The following TGM6 variants were observed in gnomAD, a reference collection of about 807,000 sequenced individuals.
TGM6 encodes transglutaminase 6.
A neutral mutation model predicts 77.5 loss-of-function variants in TGM6; 74 were observed. That is an observed-to-expected ratio of 0.96 (90% CI 0.79 to 1.16). The LOEUF (loss-of-function observed/expected upper bound fraction) is 1.16. Ranked by LOEUF, TGM6 falls within the 50% of genes most tolerant of loss-of-function variation. TGM6 has a pLI of 0.00. For synonymous variants in TGM6, 383 were observed against 378.9 expected (o/e 1.01, Z -0.12); for missense variants, 968 against 940.2 (o/e 1.03, Z -0.39).
At chr20:2,425,730 G>A (rs2084883588) in intron 10 of TGM6, among the ~76,000 whole-genome samples, 1 of 151,964 alleles carries the variant, frequency 6.6e-6, no homozygotes, top group South Asian at 2.1e-4. Context: ...AATCTTAATT[G>A]ATATATATTA....
At chr20:2,431,827 C>T (rs2122445707) in intron 12 of TGM6, among the ~76,000 whole-genome samples, 1 of 152,232 alleles carries the variant, frequency 6.6e-6, no homozygotes, top group South Asian at 2.1e-4. Flanking sequence ...GGTGTCAACA[C>T]CTGATGGCTG....
chr20:2,384,332 C>T (rs904102195), intron 1 of TGM6, among the ~76,000 whole-genome samples: 2 of 152,074 alleles, frequency 1.3e-5, no homozygotes, highest in Non-Finnish European at 1.5e-5. Flanking sequence ...CTCCTCGAAA[C>T]CCTAGACGAA....
At chr20:2,409,295 A>G (rs1010506700) in intron 9 of TGM6, among the ~76,000 whole-genome samples, 1 of 152,218 alleles carries the variant, frequency 6.6e-6, no homozygotes, top group Non-Finnish European at 1.5e-5. Flanking sequence ...AGAAAATGAA[A>G]ATGCAATATG....
In TGM6 at chr20:2,395,233, T is replaced by A. The variant is rs1321921616; in HGVS notation, c.221T>A (p.Phe74Tyr). The A allele has an allele frequency of 1.2e-6, 2 of 1,614,024 alleles. No individual in the cohort carries two copies. The highest frequency in any genetic ancestry group is 4.5e-5 in the East Asian group (2 of 44,876). The change falls in exon 3 of 13, where the codon TTC becomes TAC. Residue 74 changes from phenylalanine (F) to tyrosine (Y), a missense_variant. Coordinates refer to ENST00000202625, the MANE Select transcript of TGM6 (RefSeq NM_198994.3). ...GAGGCCCTCCACACCAAAGCTGTGT[T>A]CCAGACATCGGAGCTGGAGCGGGGT... ...ASEALHTKAV[F>Y]QTSELERGEG...
At chr20:2,403,903 A>C in intron 9 of TGM6, 80 bp downstream of exon 9, 1 of 1,608,486 alleles carries the variant, frequency 6.2e-7, no homozygotes, top group Non-Finnish European at 8.5e-7. Flanking sequence ...GGTGGCCTGG[A>C]GCCAGGCCTC....
At chr20:2,386,134 C>T (rs1012208178) in intron 1 of TGM6, among the ~76,000 whole-genome samples, 7 of 152,156 alleles carry the variant, frequency 4.6e-5, no homozygotes, top group East Asian at 1.9e-4. Context: ...TCCCCATGCC[C>T]GTCAGTCTCA....
intron 7 of TGM6, among the ~76,000 whole-genome samples, chr20:2,402,577 A>C (rs1044667945): frequency 6.6e-6 from 1 of 152,164 alleles, no homozygotes; most frequent in Non-Finnish European, 1.5e-5. Context: ...GCTAATCAAC[A>C]TACTTTCCCC....
intron 3 of TGM6, among the ~76,000 whole-genome samples, chr20:2,396,113 G>A (rs538291851): frequency 6.6e-6 from 1 of 151,810 alleles, no homozygotes; most frequent in Non-Finnish European, 1.5e-5. Context: ...CCAGGAGGTG[G>A]AGGTTGCAGT....
intron 9 of TGM6, among the ~76,000 whole-genome samples, chr20:2,411,757 T>A (rs992873964): frequency 6.6e-6 from 1 of 152,082 alleles, no homozygotes; most frequent in Admixed American, 6.5e-5. Flanking sequence ...TATAGAAAAA[T>A]TAACTGAAAA....
chr20:2,403,639 G>A lies in TGM6; in HGVS notation c.1152G>A (p.Leu384=). The stretch of plus-strand genomic sequence containing the variant: ...CCATCCGCGAGGGTGATGTGCACCT[G>A]GCTCACGATGGCCCCTTCGTGTTTG... ...VTAIREGDVH[L]AHDGPFVFAE... is the part of the protein sequence containing the mutation. The change falls in exon 9 of 13, where the codon CTG becomes CTA. Residue 384 remains leucine (L), a synonymous_variant. Transcript: ENST00000202625. 6.2e-7 allele frequency: 1 copy of A among 1,614,198 alleles called. No individual in the cohort carries two copies. The highest frequency in any genetic ancestry group is 8.5e-7 in the Non-Finnish European group (1 of 1,180,040).
At chr20:2,428,296 A>G (rs186075917) in intron 10 of TGM6, among the ~76,000 whole-genome samples, 1 of 152,306 alleles carries the variant, frequency 6.6e-6, no homozygotes, top group Admixed American at 6.5e-5. Flanking sequence ...AAGGGGTCTC[A>G]GCTTTTATTA....
intron 5 of TGM6, among the ~76,000 whole-genome samples, chr20:2,398,817 T>C (rs1208025793): frequency 1.3e-5 from 2 of 152,092 alleles, no homozygotes; most frequent in Non-Finnish European, 2.9e-5. Context: ...CCAAAAGGTG[T>C]CTGCAGGGCC....
At chr20:2,385,482 T>C (rs188852161) in intron 1 of TGM6, among the ~76,000 whole-genome samples, 287 of 152,270 alleles carry the variant, frequency 1.9e-3, no homozygotes, top group African/African-American at 6.3e-3. Flanking sequence ...AGATTCCTTC[T>C]GGGTCATTTT....
chr20:2,428,176 C>T (rs1599973587), intron 10 of TGM6, among the ~76,000 whole-genome samples: 1 of 152,102 alleles, frequency 6.6e-6, no homozygotes, highest in Non-Finnish European at 1.5e-5. Flanking sequence ...GTGAGTGCTC[C>T]GTGTAAGATT....
chr20:2,386,468 G>GCAAAACCCC (rs2084596763), intron 1 of TGM6, among the ~76,000 whole-genome samples: 2 of 152,128 alleles, frequency 1.3e-5, no homozygotes, highest in African/African-American at 4.8e-5. Context: ...GAAGAAGTGT[G>GCAAAACCCC]TTCTATGGGG....
rs2084747628 is a variant in TGM6 at position 2,405,912 on chromosome 20, T to G, written c.1336+2089T>G. On this transcript the variant is annotated intron_variant, in intron 9 of 12. Coordinates refer to ENST00000202625, the MANE Select transcript of TGM6 (RefSeq NM_198994.3). ...AATTCTCTTCTCCCTGCTCAGGTAG[T>G]ACATGGCTTAGTAAGTAAGACGGGA... 2.0e-5 allele frequency among the ~76,000 whole-genome samples: 3 copies of G among 152,146 alleles called. No homozygotes were observed. In the South Asian group the frequency reaches 6.2e-4, roughly 32 times the overall value.
In TGM6 at chr20:2,400,339, T is replaced by A. The variant is rs1297150835; in HGVS notation, c.884T>A (p.Val295Glu). ...TGCTTGGGGATAGCCACACGGGTCGTGTCCAACTTCAACTCAGCCCACGAC... is the reference window on the plus strand; with the variant it reads ...TGCTTGGGGATAGCCACACGGGTCGAGTCCAACTTCAACTCAGCCCACGAC... ...LRCLGIATRV[V>E]SNFNSAHDTD... Residue 295 changes from valine (V) to glutamate (E), a missense_variant, in exon 7 of 13, where the codon GTG becomes GAG. By Grantham distance (121) the Val-to-Glu change is moderately radical (BLOSUM62 -2). Coordinates refer to ENST00000202625, the MANE Select transcript of TGM6 (RefSeq NM_198994.3). 6.2e-7 allele frequency: 1 copy of A among 1,614,092 alleles called. No homozygotes were observed. The highest frequency in any genetic ancestry group is 8.5e-7 in the Non-Finnish European group (1 of 1,180,040).
intron 10 of TGM6, among the ~76,000 whole-genome samples, chr20:2,422,567 C>G (rs974568089): frequency 6.6e-6 from 1 of 152,094 alleles, no homozygotes; most frequent in Non-Finnish European, 1.5e-5. Flanking sequence ...GTCTATAAAG[C>G]GTGCAATAGC....
intron 11 of TGM6, 61 bp downstream of exon 11, chr20:2,430,661 G>A (rs1052842607): frequency 1.2e-6 from 2 of 1,610,854 alleles, no homozygotes; most frequent in Non-Finnish European, 1.7e-6. Context: ...AGAGCTGGGG[G>A]AGGGCGTCAG....
Sources: gnomAD v4.1 joint callset for allele counts (sites outside exome capture counted in the v4.1 genomes callset) on GRCh38, gnomAD v4.1.1 for gene constraint, MANE v1.5 for transcripts, NCBI Gene and HGNC (gene_info 2026-07-23, HGNC 2026-07-21) for gene names.